The following LHFPL2 variants were observed in gnomAD, a reference collection of about 807,000 sequenced individuals.
The protein encoded by LHFPL2 is LHFPL tetraspan subfamily member 2, also known as LHFPL tetraspan subfamily member 2 protein.
Under a neutral mutation model 17.5 loss-of-function variants are expected in LHFPL2, and 7 were observed. The observed-to-expected ratio is 0.40, with a 90% CI of 0.23 to 0.75. The LOEUF is 0.75. Among genes scored for constraint, LHFPL2 ranks in the 30% least tolerant of loss-of-function variants. The pLI is 0.37. For synonymous variants in LHFPL2, 134 were observed against 116.2 expected (o/e 1.15, Z -0.99); for missense variants, 241 against 294.8 (o/e 0.82, Z 1.34).
intron 2 of LHFPL2, among the ~76,000 whole-genome samples, chr5:78,586,500 C>G (rs1034015708): frequency 6.6e-6 from 1 of 152,166 alleles, no homozygotes; most frequent in Non-Finnish European, 1.5e-5. Flanking sequence ...AGCTGGTATA[C>G]CACAGGCTTC....
intron 2 of LHFPL2, among the ~76,000 whole-genome samples, chr5:78,572,321 C>T (rs1021901393): frequency 1.3e-5 from 2 of 151,900 alleles, no homozygotes; most frequent in Non-Finnish European, 2.9e-5. Flanking sequence ...TAGCATCTAC[C>T]TCAGAGGTAT....
At chr5:78,641,995 A>C (rs1745683823) in intron 1 of LHFPL2, 1 of 152,120 alleles carries the variant, frequency 6.6e-6, no homozygotes, top group African/African-American at 2.4e-5. Context: ...TAAATGACAA[A>C]CATTTATTTC....
chr5:78,637,475 G>A (rs1315555245), intron 1 of LHFPL2, among the ~76,000 whole-genome samples: 1 of 152,110 alleles, frequency 6.6e-6, no homozygotes, highest in Non-Finnish European at 1.5e-5. Flanking sequence ...AGGATTAAAG[G>A]CATCCCTGCA....
chr5:78,521,467 T>G (rs1483150249), intron 3 of LHFPL2, among the ~76,000 whole-genome samples: 3 of 152,258 alleles, frequency 2.0e-5, no homozygotes, highest in Non-Finnish European at 4.4e-5. Context: ...GAGATGACAT[T>G]AATTTAAAGT....
At chr5:78,572,818 A>G (rs1289250521) in intron 2 of LHFPL2, among the ~76,000 whole-genome samples, 1 of 151,950 alleles carries the variant, frequency 6.6e-6, no homozygotes, top group Non-Finnish European at 1.5e-5. Flanking sequence ...CTGGAATACA[A>G]TTTTTCTGTG....
chr5:78,518,593 T>C (rs528910540), intron 3 of LHFPL2, among the ~76,000 whole-genome samples: 1 of 152,290 alleles, frequency 6.6e-6, no homozygotes, highest in South Asian at 2.1e-4. Flanking sequence ...TACTTTTGAA[T>C]ACAGAACGAT....
intron 2 of LHFPL2, among the ~76,000 whole-genome samples, chr5:78,614,810 A>G (rs1744543190): frequency 6.6e-6 from 1 of 152,222 alleles, no homozygotes; most frequent in Admixed American, 6.5e-5. Flanking sequence ...TTCTGTTATA[A>G]CCCAGTTGAT....
chr5:78,557,922 C>A (rs576443498), intron 3 of LHFPL2, among the ~76,000 whole-genome samples: 1 of 152,300 alleles, frequency 6.6e-6, no homozygotes, highest in East Asian at 1.9e-4. Context: ...CGGTTCCACC[C>A]AGCATCAGAG....
chr5:78,619,285 C>T (rs553875175), intron 2 of LHFPL2, among the ~76,000 whole-genome samples: 1 of 152,210 alleles, frequency 6.6e-6, no homozygotes, highest in South Asian at 2.1e-4. Context: ...ACCTTGGCCT[C>T]CCAAAGTGCT....
chr5:78,628,249 A>T (rs1012733137), intron 2 of LHFPL2, among the ~76,000 whole-genome samples: 1 of 152,206 alleles, frequency 6.6e-6, no homozygotes, highest in Admixed American at 6.5e-5. Context: ...CTCAGTAACA[A>T]CCACAAAATT....
chr5:78,511,062 G>A (rs1439706175), intron 3 of LHFPL2, among the ~76,000 whole-genome samples: 2 of 151,634 alleles, frequency 1.3e-5, no homozygotes, highest in Non-Finnish European at 2.9e-5. Context: ...TTCACAGGGT[G>A]ATTTTTAGAC....
intron 2 of LHFPL2, among the ~76,000 whole-genome samples, chr5:78,616,951 T>G (rs1484873142): frequency 3.3e-5 from 5 of 152,242 alleles, no homozygotes; most frequent in Non-Finnish European, 7.3e-5. Flanking sequence ...GAAGAACTCA[T>G]AAGGTAGGCC....
At chr5:78,521,534 T>TA (rs943809652) in intron 3 of LHFPL2, among the ~76,000 whole-genome samples, 1 of 152,234 alleles carries the variant, frequency 6.6e-6, no homozygotes, top group African/African-American at 2.4e-5. Context: ...TAAATTTTTT[T>TA]AAAAAAATTT....
chr5:78,592,341 T>C (rs926848773), intron 2 of LHFPL2, among the ~76,000 whole-genome samples: 1 of 152,130 alleles, frequency 6.6e-6, no homozygotes, highest in African/African-American at 2.4e-5. Context: ...CACAGCAAAT[T>C]CTACTGAGGG....
intron 4 of LHFPL2, among the ~76,000 whole-genome samples, chr5:78,493,865 A>C (rs915667061): frequency 1.3e-5 from 2 of 152,234 alleles, no homozygotes; most frequent in African/African-American, 4.8e-5. Flanking sequence ...GAATACAGTA[A>C]CAGATACGAA....
intron 4 of LHFPL2, among the ~76,000 whole-genome samples, chr5:78,507,790 A>C (rs1193585695): frequency 6.6e-6 from 1 of 152,200 alleles, no homozygotes; most frequent in Non-Finnish European, 1.5e-5. Context: ...GAGCGAGGGA[A>C]AACTAAACAG....
At chr5:78,595,794 G>A (rs1743804654) in intron 2 of LHFPL2, among the ~76,000 whole-genome samples, 1 of 152,098 alleles carries the variant, frequency 6.6e-6, no homozygotes, top group Admixed American at 6.5e-5. Context: ...GAAATTATAG[G>A]TGTGAGCCAC....
chr5:78,580,059 T>C (rs6882881), intron 2 of LHFPL2, among the ~76,000 whole-genome samples: 3,350 of 152,312 alleles, frequency 0.022, 121 homozygotes, highest in African/African-American at 0.077. Flanking sequence ...TATGAGATGG[T>C]ATCTCATTGT....
intron 2 of LHFPL2, among the ~76,000 whole-genome samples, chr5:78,598,710 A>G (rs1743905883): frequency 6.6e-6 from 1 of 152,102 alleles, no homozygotes; most frequent in Non-Finnish European, 1.5e-5. Context: ...CACTCCAACA[A>G]AATAGATCTC....
Sources: allele counts gnomAD v4.1 joint callset (sites outside exome capture counted in the v4.1 genomes callset), GRCh38; gene constraint gnomAD v4.1.1; transcripts MANE v1.5; gene names NCBI Gene and HGNC (gene_info 2026-07-23, HGNC 2026-07-21).